Variants in SLC9A3 observed in about 807,000 individuals in gnomAD.
SLC9A3 encodes the protein sodium/hydrogen exchanger 3.
Under a neutral mutation model 86.8 loss-of-function variants are expected in SLC9A3, and 37 were observed. The observed-to-expected ratio is 0.43, with a 90% CI of 0.33 to 0.56. The LOEUF (loss-of-function observed/expected upper bound fraction) is 0.56, where lower values mean the gene tolerates loss of function less well. SLC9A3 is among the 20% of genes least tolerant of loss of function. The pLI, the probability that SLC9A3 is intolerant of heterozygous loss-of-function variation, is 0.06. For synonymous variants in SLC9A3, 581 were observed against 528.3 expected, an observed-to-expected ratio of 1.10 and a Z score of -1.37; for missense variants, 1,011 against 1,171.9, an observed-to-expected ratio of 0.86 and a Z score of 2.00.
Position 473,031 on chromosome 5 carries a change from A to G in SLC9A3, c.*348T>C, listed in dbSNP as rs1738465486. 1 of 405,932 alleles carries G rather than the reference A, an allele frequency of 2.5e-6. No homozygotes were observed. Among genetic ancestry groups the G allele is most frequent in the Admixed American group, 4.7e-5 (1 of 21,306 alleles). 25.1% of individuals were successfully genotyped at this position (405,932 alleles called of 1,614,324 possible). A position where few individuals can be genotyped will look rare whatever the true frequency, so the allele number is the denominator to read the frequency against. Reference sequence around the variant, plus strand: ...GTGGCACGAGGGCGGCAGCGACGCCAGCTTCAGCAGCGCGGGGCGGCGGCG... The same window carrying G: ...GTGGCACGAGGGCGGCAGCGACGCCGGCTTCAGCAGCGCGGGGCGGCGGCG... On this transcript the variant is annotated 3_prime_UTR_variant, in exon 17 of 17. Coordinates refer to ENST00000264938, the MANE Select transcript of SLC9A3 (RefSeq NM_004174.4).
chr5:502,282 C>T (rs1477171187), intron 1 of SLC9A3, among the ~76,000 whole-genome samples: 1 of 152,220 alleles, frequency 6.6e-6, no homozygotes, highest in Admixed American at 6.5e-5. Context: ...CGCTCCGGCC[C>T]CCCACCCCCA....
intron 11 of SLC9A3, 127 bp from the exon 12 acceptor site, chr5:476,799 G>C: frequency 8.8e-7 from 1 of 1,140,070 alleles, no homozygotes; most frequent in Non-Finnish European, 1.2e-6. Context: ...TTCCCATGGT[G>C]GGCACCCGGC....
At position 515,473 on chromosome 5, in the gene SLC9A3, C is replaced by T. The variant is rs1218949548; in HGVS notation, c.211+8639G>A. Among the ~76,000 whole-genome samples, 12 of 152,234 alleles carry T rather than the reference C, an allele frequency of 7.9e-5. No homozygotes were observed. In the East Asian group the frequency reaches 1.7e-3, roughly 22 times the overall value. The stretch of plus-strand genomic sequence containing the variant: ...GGAAATGGACTTGACACACAGCCAG[C>T]CCCAAGGGAAGGCTGGCAGTCGGAT... On this transcript the variant is annotated intron_variant, in intron 1 of 16. Coordinates refer to ENST00000264938, the MANE Select transcript of SLC9A3 (RefSeq NM_004174.4).
Position 476,031 on chromosome 5 carries a change from A to G in SLC9A3, c.2129T>C (p.Ile710Thr). The G allele has an allele frequency of 6.2e-7, 1 of 1,612,262 alleles. No individual in the cohort carries two copies. Among genetic ancestry groups the G allele is most frequent in the Non-Finnish European group, 8.5e-7 (1 of 1,179,388 alleles). ...PMESPAQNFT[I>T]KEKDLELSDT... ...GGCCCCCAGCGCACCTTTCTCCTTG[A>G]TGGTGAAATTCTGCGCAGGGCTCTC... Residue 710 changes from isoleucine (I) to threonine (T), a missense_variant, in exon 14 of 17, where the codon ATC (isoleucine) becomes ACC (threonine). Around this residue, in one of 3 missense-constraint regions of SLC9A3, gnomAD observed 397 missense variants for 346.3 expected, o/e 1.15. Transcript: ENST00000264938.
intron 1 of SLC9A3, among the ~76,000 whole-genome samples, chr5:519,718 A>G (rs1009780714): frequency 1.3e-5 from 2 of 152,002 alleles, no homozygotes; most frequent in Non-Finnish European, 2.9e-5. Context: ...GCGCTCAGGG[A>G]TCTGGGTCTT....
chr5:500,709 A>ACACAGAGTCAGTG, intron 1 of SLC9A3, among the ~76,000 whole-genome samples: 1 of 67,178 alleles, frequency 1.5e-5, no homozygotes. Flanking sequence ...GCCAGTGTGG[A>ACACAGAGTCAGTG]TGGGGCTGGT....
At chr5:513,597 G>A (rs895323957) in intron 1 of SLC9A3, among the ~76,000 whole-genome samples, 1 of 152,150 alleles carries the variant, frequency 6.6e-6, no homozygotes, top group South Asian at 2.1e-4. Context: ...CTGGCCACGG[G>A]GTCCCTGAGA....
At position 472,595 on chromosome 5, in the gene SLC9A3, T is replaced by TG. The variant is rs537827479; in HGVS notation, c.*783dup. 1.0e-3 allele frequency: 383 copies of TG among 384,630 alleles called. 4 individuals carry two copies. The highest frequency in any genetic ancestry group is 6.1e-3 in the South Asian group (341 of 56,044). 23.8% of individuals were successfully genotyped at this position (384,630 alleles called of 1,614,324 possible). On this transcript the variant is annotated 3_prime_UTR_variant, in exon 17 of 17. Transcript: ENST00000264938. The stretch of plus-strand genomic sequence containing the variant: ...GACCGGGCGCGGGCAGGACGGAACC[T>TG]GGGGGGGAAACGGGGCAGGTACTGG...
chr5:490,353 G>A (rs2126628476), intron 2 of SLC9A3, among the ~76,000 whole-genome samples: 1 of 152,260 alleles, frequency 6.6e-6, no homozygotes, highest in East Asian at 1.9e-4. Context: ...GGGCAGGGGA[G>A]GGCCAGGGGT....
intron 1 of SLC9A3, among the ~76,000 whole-genome samples, chr5:514,423 C>T (rs756724711): frequency 2.6e-5 from 4 of 152,238 alleles, no homozygotes; most frequent in Non-Finnish European, 4.4e-5. Flanking sequence ...GACCAGTGGC[C>T]GCTGGCTCCC....
intron 1 of SLC9A3, among the ~76,000 whole-genome samples, chr5:522,416 T>C (rs1733909966): frequency 6.6e-6 from 1 of 152,240 alleles, no homozygotes; most frequent in Non-Finnish European, 1.5e-5. Flanking sequence ...TGCCAGATTC[T>C]GACTCTGTAC....
In SLC9A3 at chr5:470,621, G is replaced by C. The variant is rs903167003; in HGVS notation, c.*2758C>G. On this transcript the variant is annotated 3_prime_UTR_variant, in exon 17 of 17. Transcript: ENST00000264938. ...ACAGCTGGAGGGGCACTTAAGGCAC[G>C]TCATTTTGTGATTAGAATTACACGA... The C allele has an allele frequency of 2.0e-5, 3 of 152,302 alleles. No individual in the cohort carries two copies. The highest frequency in any genetic ancestry group is 7.2e-5 in the African/African-American group (3 of 41,434). The allele number at this position is 152,302 out of a possible 1,614,324, so 9.4% of individuals were successfully genotyped here.
chr5:483,418 T>C lies in SLC9A3; in HGVS notation c.997A>G (p.Thr333Ala). 6.3e-7 allele frequency: 1 copy of C among 1,584,208 alleles called. No individual in the cohort carries two copies. The highest frequency in any genetic ancestry group is 8.6e-7 in the Non-Finnish European group (1 of 1,165,510). Residue 333 changes from threonine to alanine, a missense_variant, in exon 6 of 17, where the codon ACC (threonine) becomes GCC (alanine). Thr to Ala is a moderately conservative substitution (Grantham distance 58). Transcript: ENST00000264938. ...ATCTTCATGGTGTAGCGCACGGTGG[T>C]GGCCGACTGCTCCGAGATGTTGGCC... The part of the protein sequence containing the change: ...VKANISEQSA[T>A]TVRYTMKMLA...
At chr5:477,169 A>C in intron 11 of SLC9A3, 163 bp downstream of exon 11, 1 of 579,518 alleles carries the variant, frequency 1.7e-6, no homozygotes, top group East Asian at 2.9e-5. Context: ...GCCACGGCCT[A>C]ATATAGGAGG....
chr5:479,676 C>T (rs554580463), intron 10 of SLC9A3, 160 bp downstream of exon 10: 2 of 655,254 alleles, frequency 3.1e-6, no homozygotes, highest in African/African-American at 3.6e-5. Context: ...CCCTGGGATT[C>T]CCAGGGCATC....
At position 522,818 on chromosome 5, in the gene SLC9A3, G is replaced by A. The variant is rs147937346; in HGVS notation, c.211+1294C>T. Among the ~76,000 whole-genome samples, 581 of 152,262 alleles carry A rather than the reference G, an allele frequency of 3.8e-3. 7 individuals carry two copies. The highest frequency in any genetic ancestry group is 5.9e-3 in the Non-Finnish European group (398 of 68,010). ...GGGGCACTCCCGTCAGAGGAAAGCA[G>A]GGTGAGCTTTAGGACTGGGCGGCCG... is the stretch of plus-strand genomic sequence containing the variant. On this transcript the variant is annotated intron_variant, in intron 1 of 16. Coordinates refer to ENST00000264938, the MANE Select transcript of SLC9A3 (RefSeq NM_004174.4).
At chr5:499,916 C>A (rs1740185052) in intron 1 of SLC9A3, among the ~76,000 whole-genome samples, 1 of 152,240 alleles carries the variant, frequency 6.6e-6, no homozygotes, top group Admixed American at 6.5e-5. Context: ...TGTGGAGGGG[C>A]CACTGCACCT....
At position 491,740 on chromosome 5, in the gene SLC9A3, C is replaced by T. The variant is rs541120037; in HGVS notation, c.514+29G>A. ...CCCCTCCCGGACCCCACCCTGATCC[C>T]GGCCGGGGCAACAGTGGCGCAGACT... On this transcript the variant is annotated intron_variant, in intron 2 of 16. Transcript: ENST00000264938. The surrounding 1 kb of genome is among the most constrained non-coding windows in gnomAD (Gnocchi z 9.2). 67 of 1,486,532 alleles carry T rather than the reference C, an allele frequency of 4.5e-5. 1 individual carries two copies. The highest frequency in any genetic ancestry group is 1.3e-4 in the Admixed American group (6 of 46,804). The allele number at this position is 1,486,532 out of a possible 1,614,324, so 92.1% of individuals were successfully genotyped here.
rs761028585 is a variant in SLC9A3 at position 477,354 on chromosome 5, C to G, written c.1738G>C (p.Glu580Gln). 6.2e-7 allele frequency: 1 copy of G among 1,611,756 alleles called. No individual in the cohort carries two copies. The highest frequency in any genetic ancestry group is 8.5e-7 in the Non-Finnish European group (1 of 1,178,788). The stretch of plus-strand genomic sequence containing the variant: ...TACAGGAGGTAGGAGACAGAGGCCT[C>G]CACGGTGGACGATCGTGGCGTGAAG... ...VDFTPRSSTV[E>Q]ASVSYLLREN... is the part of the protein sequence containing the mutation. The change falls in exon 11 of 17, where the codon GAG becomes CAG. Residue 580 changes from glutamate to glutamine, a missense_variant. Glu to Gln is a conservative substitution (Grantham distance 29). This residue lies in a region of SLC9A3 where 397 missense variants were observed against 346.3 expected (regional missense o/e 1.15). Coordinates refer to ENST00000264938, the MANE Select transcript of SLC9A3 (RefSeq NM_004174.4).
Sources: allele counts gnomAD v4.1 joint callset (sites outside exome capture counted in the v4.1 genomes callset), GRCh38; gene constraint gnomAD v4.1.1; regional missense constraint gnomAD v4.1.1; non-coding constraint Gnocchi (gnomAD v3.1); transcripts MANE v1.5; gene names NCBI Gene and HGNC (gene_info 2026-07-23, HGNC 2026-07-21).